The following CDKL5 variants were observed in gnomAD, a reference collection of about 807,000 sequenced individuals.
CDKL5 encodes the protein cyclin-dependent kinase-like 5.
CDKL5 carries 8 observed loss-of-function variants against 61.7 expected under a neutral mutation model. That is an observed-to-expected ratio of 0.13 (90% CI 0.08 to 0.23). The LOEUF is 0.23. CDKL5 is among the 10% of genes least tolerant of loss of function. The probability of loss-of-function intolerance (pLI) is 1.00; values close to 1 mark genes in which losing one functional copy is unlikely to be tolerated. For missense variants in CDKL5, 440 were observed against 734.5 expected (o/e 0.60, Z 4.63); for synonymous variants, 275 against 272.3 (o/e 1.01, Z -0.10).
intron 3 of CDKL5, among the ~76,000 whole-genome samples, chrX:18,519,212 TGG>T (rs1451568321): frequency 8.9e-6 from 1 of 112,226 alleles, no homozygotes; most frequent in African/African-American, 3.2e-5. Context: ...AAAGTTTTGT[TGG>T]AATGCAGCCA....
intron 3 of CDKL5, among the ~76,000 whole-genome samples, chrX:18,559,879 C>A (rs1382200131): frequency 9.9e-6 from 1 of 101,335 alleles, no homozygotes; most frequent in African/African-American, 3.6e-5. Context: ...TGAGAACATG[C>A]GGTGTTTGGT....
chrX:18,566,724 A>G (rs765403060), intron 4 of CDKL5, among the ~76,000 whole-genome samples: 3 of 112,112 alleles, frequency 2.7e-5, no homozygotes, highest in Non-Finnish European at 5.6e-5. Flanking sequence ...TATTGCCTGA[A>G]TGGAGACATG....
At chrX:18,609,721 C>A (rs1486811454) in intron 14 of CDKL5, 151 bp downstream of exon 14, 8 of 1,012,271 alleles carry the variant, frequency 7.9e-6, no homozygotes, top group African/African-American at 1.9e-5. Flanking sequence ...CTAAGTCAGG[C>A]CCTCCTGGCT....
chrX:18,445,989 G>C (rs767426991), intron 1 of CDKL5, among the ~76,000 whole-genome samples: 3 of 109,466 alleles, frequency 2.7e-5, no homozygotes, highest in Non-Finnish European at 3.8e-5. Context: ...CATTTAATAC[G>C]TTTTTCTGTC....
intron 3 of CDKL5, among the ~76,000 whole-genome samples, chrX:18,555,363 A>C (rs1262238582): frequency 8.9e-6 from 1 of 112,403 alleles, no homozygotes; most frequent in Non-Finnish European, 1.9e-5. Flanking sequence ...AGATACATGC[A>C]ATAGCATATG....
chrX:18,451,456 G>A (rs1932015409), intron 1 of CDKL5, among the ~76,000 whole-genome samples: 1 of 112,300 alleles, frequency 8.9e-6, no homozygotes, highest in African/African-American at 3.2e-5. Context: ...CTCCCAAAGT[G>A]CTGGGTTTAT....
In CDKL5 at chrX:18,636,445, A is replaced by T. The variant is rs1270468624; in HGVS notation, c.*7688A>T. 9.2e-6 allele frequency: 1 copy of T among 108,830 alleles called. No individual in the cohort carries two copies. Among genetic ancestry groups the T allele is most frequent in the East Asian group, 2.8e-4 (1 of 3,519 alleles). 9.0% of individuals were successfully genotyped at this position (108,830 alleles called of 1,213,427 possible). On this transcript the variant is annotated 3_prime_UTR_variant, in exon 18 of 18. Coordinates refer to ENST00000623535, the MANE Select transcript of CDKL5 (RefSeq NM_001323289.2). ...CCCCTTTTTGTAAATGAGGAAACAGATTTCCATACTTGACATTAACCTGCC... is the reference window on the plus strand; with the variant it reads ...CCCCTTTTTGTAAATGAGGAAACAGTTTTCCATACTTGACATTAACCTGCC...
At chrX:18,439,044 T>TTCCC (rs1569182824) in intron 1 of CDKL5, among the ~76,000 whole-genome samples, 1 of 11,514 alleles carries the variant, frequency 8.7e-5, no homozygotes, top group East Asian at 4.4e-3. Context: ...TGCCCCTTTT[T>TTCCC]GCCCCCCCCC....
intron 1 of CDKL5, among the ~76,000 whole-genome samples, chrX:18,471,257 A>G (rs962284521): frequency 1.8e-5 from 2 of 111,819 alleles, no homozygotes; most frequent in Non-Finnish European, 3.8e-5. Context: ...ACAGGTATAC[A>G]ATGCATAATA....
chrX:18,604,602 A>G lies in CDKL5; in HGVS notation c.1678A>G (p.Thr560Ala), dbSNP rs587783400. 5 of 1,212,231 alleles carry G rather than the reference A, an allele frequency of 4.1e-6. No individual in the cohort carries two copies. Among genetic ancestry groups the G allele is most frequent in the Non-Finnish European group, 5.6e-6 (5 of 895,579 alleles). ...TGAGGGAACGCTGGACTCACGTCGA[A>G]CCACAACCAGACATTCTAAGACGAT... ...RNEGTLDSRR[T>A]TTRHSKTMEE... Residue 560 changes from threonine to alanine, a missense_variant, in exon 12 of 18, where the codon ACC becomes GCC. Thr to Ala is a moderately conservative substitution (Grantham distance 58, BLOSUM62 0). Around this residue, in one of 2 missense-constraint regions of CDKL5, gnomAD observed 363 missense variants for 516.3 expected, o/e 0.70. Transcript: ENST00000623535.
At chrX:18,566,438 G>A (rs922123340) in intron 4 of CDKL5, among the ~76,000 whole-genome samples, 7 of 112,996 alleles carry the variant, frequency 6.2e-5, no homozygotes. Context: ...TTACAGGCGT[G>A]AGCCACCTTG....
chrX:18,570,820 A>G (rs1925112788), intron 4 of CDKL5, among the ~76,000 whole-genome samples: 1 of 111,772 alleles, frequency 8.9e-6, no homozygotes, highest in South Asian at 3.7e-4. Context: ...TCTTTAGCAA[A>G]TCGCTCTTGA....
chrX:18,596,836 T>G (rs1350191641), intron 10 of CDKL5, among the ~76,000 whole-genome samples: 1 of 112,419 alleles, frequency 8.9e-6, no homozygotes, highest in African/African-American at 3.2e-5. Flanking sequence ...GGTACCAGAT[T>G]AAAAGCTAGC....
chrX:18,514,434 C>T (rs1190621475), intron 3 of CDKL5, among the ~76,000 whole-genome samples: 1 of 111,644 alleles, frequency 9.0e-6, no homozygotes, highest in Non-Finnish European at 1.9e-5. Flanking sequence ...AGGCTGGGCA[C>T]AGTGGCTCAC....
downstream of CDKL5, among the ~76,000 whole-genome samples, chrX:18,642,378 A>G (rs1382180392): frequency 8.9e-6 from 1 of 111,852 alleles, no homozygotes; most frequent in Non-Finnish European, 1.9e-5. Context: ...CCACTAGCCA[A>G]TATGTCTGTT....
chrX:18,650,010 T>C (rs920934685), intron 20 of CDKL5: 10 of 249,916 alleles, frequency 4.0e-5, no homozygotes, highest in African/African-American at 2.8e-4. Context: ...GGCTACTAGC[T>C]CTGAGAGAGT....
intron 1 of CDKL5, among the ~76,000 whole-genome samples, chrX:18,489,566 AG>A (rs1921916107): frequency 9.0e-6 from 1 of 111,225 alleles, no homozygotes; most frequent in Admixed American, 9.6e-5. Context: ...AAATCATAGA[AG>A]GGAGATTCTA....
rs183367098 is a variant in CDKL5 at position 18,526,589 on chromosome X, G to A, written c.99+15735G>A. Among the ~76,000 whole-genome samples, 370 of 111,477 alleles carry A rather than the reference G, an allele frequency of 3.3e-3. 4 individuals are homozygous for A. The highest frequency in any genetic ancestry group is 0.011 in the African/African-American group (342 of 30,743). On this transcript the variant is annotated intron_variant, in intron 3 of 17. Coordinates refer to ENST00000623535, the MANE Select transcript of CDKL5 (RefSeq NM_001323289.2). ...CAATAATGTTAGGTTTTCTGTAGAT[G>A]TTCTTCATCTGAGGAAGTTCCTCTC... is the stretch of plus-strand genomic sequence containing the variant.
chrX:18,652,397 A>G (rs772614162), intron 21 of CDKL5, among the ~76,000 whole-genome samples: 30 of 112,546 alleles, frequency 2.7e-4, no homozygotes, highest in African/African-American at 9.0e-4. Flanking sequence ...GGCTGGGTGC[A>G]GTGGCTCACG....
Sources: allele counts gnomAD v4.1 joint callset (sites outside exome capture counted in the v4.1 genomes callset), GRCh38; gene constraint gnomAD v4.1.1; regional missense constraint gnomAD v4.1.1; transcripts MANE v1.5; gene names NCBI Gene and HGNC (gene_info 2026-07-23, HGNC 2026-07-21).